FAM149B1: variants seen among roughly 807,000 people sequenced by gnomAD.
FAM149B1 encodes primary cilium assembly protein FAM149B1.
FAM149B1 carries 56 observed loss-of-function variants against 75.3 expected under a neutral mutation model. That is an observed-to-expected ratio of 0.74 (90% confidence interval 0.60 to 0.93). The LOEUF (loss-of-function observed/expected upper bound fraction) is 0.93. FAM149B1 is among the 40% of genes least tolerant of loss of function. The pLI is 0.00. For synonymous variants in FAM149B1, 259 were observed against 256.1 expected, an observed-to-expected ratio of 1.01 and a Z score of -0.11; for missense variants, 639 against 708.4, an observed-to-expected ratio of 0.90 and a Z score of 1.11.
At chr10:73,215,181 C>T (rs1050536561) in intron 7 of FAM149B1, among the ~76,000 whole-genome samples, 2 of 151,990 alleles carry the variant, frequency 1.3e-5, no homozygotes, top group Non-Finnish European at 2.9e-5. Flanking sequence ...CCACCATAAC[C>T]AGCGTATTTT....
chr10:73,242,558 CTTT>C lies in FAM149B1; in HGVS notation c.*1540_*1542del, dbSNP rs1256642055. 5 of 152,108 alleles carry C rather than the reference CTTT, an allele frequency of 3.3e-5. No homozygotes were observed. Among genetic ancestry groups the C allele is most frequent in the African/African-American group, 9.7e-5 (4 of 41,392 alleles). 9.4% of individuals were successfully genotyped at this position (152,108 alleles called of 1,614,324 possible). A position where few individuals can be genotyped will look rare whatever the true frequency, so the allele number is the denominator to read the frequency against. ...CAGTTTGACAAATTTGGATTTCACTCTTTGTTTTGATGTAGTAACTCTTTTATA... is the reference window on the plus strand; with the variant it reads ...CAGTTTGACAAATTTGGATTTCACTCGTTTTGATGTAGTAACTCTTTTATA... On this transcript the variant is annotated 3_prime_UTR_variant, in exon 14 of 14. Coordinates refer to ENST00000242505, the MANE Select transcript of FAM149B1 (RefSeq NM_173348.2).
chr10:73,212,711 C>T (rs969731191), intron 7 of FAM149B1, among the ~76,000 whole-genome samples: 6 of 152,188 alleles, frequency 3.9e-5, no homozygotes, highest in African/African-American at 1.4e-4. Flanking sequence ...TACTAATTTA[C>T]TTTCCCACAA....
Position 73,193,476 on chromosome 10 carries a change from G to T in FAM149B1, c.426-1G>T. ...TGTGTCTGTGTTTCTTCATTTTGAA[G>T]GATTCTAGGTAGGCAGATAATCACT... On this transcript the variant is annotated splice_acceptor_variant, in intron 4 of 13. Transcript: ENST00000242505. LOFTEE classifies it high-confidence loss of function. 6.5e-7 allele frequency: 1 copy of T among 1,543,970 alleles called. No individual in the cohort carries two copies.
intron 5 of FAM149B1, among the ~76,000 whole-genome samples, chr10:73,199,458 C>T (rs1564694269): frequency 6.6e-6 from 1 of 152,070 alleles, no homozygotes; most frequent in East Asian, 1.9e-4. Context: ...ACCTCATGGT[C>T]CACCCTCCTC....
At chr10:73,233,471 C>T (rs1025775859) in intron 10 of FAM149B1, among the ~76,000 whole-genome samples, 1 of 151,978 alleles carries the variant, frequency 6.6e-6, no homozygotes, top group Admixed American at 6.6e-5. Context: ...CTCAAGTAGC[C>T]GGGACCACAG....
rs914152453 is a variant in FAM149B1, at chr10:73,227,683, T to A, written c.899-377T>A. 1.6e-4 allele frequency among the ~76,000 whole-genome samples: 24 copies of A among 152,282 alleles called. No individual in the cohort carries two copies. In the East Asian group the frequency reaches 4.4e-3, roughly 28 times the overall value. On this transcript the variant is annotated intron_variant, in intron 7 of 13. Coordinates refer to ENST00000242505, the MANE Select transcript of FAM149B1 (RefSeq NM_173348.2). ...TTTGGCCATAAGTTAAAATTAAATT[T>A]AAAATTCAGCTCCTCACTCCCTAGC... is the stretch of plus-strand genomic sequence containing the variant.
intron 5 of FAM149B1, among the ~76,000 whole-genome samples, chr10:73,196,140 G>C (rs1051727683): frequency 1.3e-5 from 2 of 152,094 alleles, no homozygotes; most frequent in Non-Finnish European, 2.9e-5. Context: ...AGTAGGATGT[G>C]CCAGGCCCAT....
intron 7 of FAM149B1, among the ~76,000 whole-genome samples, chr10:73,219,603 C>A (rs1355482008): frequency 3.3e-5 from 5 of 152,136 alleles, no homozygotes; most frequent in African/African-American, 1.2e-4. Context: ...GAAATACACC[C>A]ACACATATGT....
At chr10:73,197,961 A>G (rs1051892568) in intron 5 of FAM149B1, among the ~76,000 whole-genome samples, 2 of 152,238 alleles carry the variant, frequency 1.3e-5, no homozygotes, top group Admixed American at 6.5e-5. Context: ...ATAACTAACT[A>G]TAATATCTAA....
intron 3 of FAM149B1, among the ~76,000 whole-genome samples, chr10:73,191,312 C>T (rs2042677483): frequency 6.8e-6 from 1 of 147,090 alleles, no homozygotes; most frequent in African/African-American, 2.5e-5. Flanking sequence ...GCTGGGATTA[C>T]AGGCATGAGT....
intron 7 of FAM149B1, among the ~76,000 whole-genome samples, chr10:73,225,489 TAAAG>T (rs1414959991): frequency 1.3e-5 from 2 of 152,068 alleles, no homozygotes; most frequent in Non-Finnish European, 2.9e-5. Flanking sequence ...AATAAGGAAA[TAAAG>T]AAAAAATATT....
chr10:73,198,036 A>G (rs1224475744), intron 5 of FAM149B1, among the ~76,000 whole-genome samples: 1 of 152,194 alleles, frequency 6.6e-6, no homozygotes, highest in Non-Finnish European at 1.5e-5. Context: ...AAAAGAATGG[A>G]GAGCTCAAAA....
At chr10:73,176,705 G>A (rs997040887) in intron 2 of FAM149B1, among the ~76,000 whole-genome samples, 1 of 151,996 alleles carries the variant, frequency 6.6e-6, no homozygotes, top group Non-Finnish European at 1.5e-5. Flanking sequence ...GGGCAATATG[G>A]CAAAACTCTG....
intron 7 of FAM149B1, among the ~76,000 whole-genome samples, chr10:73,220,352 C>G (rs2043382551): frequency 6.6e-6 from 1 of 152,092 alleles, no homozygotes; most frequent in African/African-American, 2.4e-5. Flanking sequence ...ATTGTGGAAA[C>G]AATTTGGCAG....
chr10:73,207,847 A>C (rs973620451), intron 5 of FAM149B1, among the ~76,000 whole-genome samples: 14 of 152,342 alleles, frequency 9.2e-5, no homozygotes, highest in African/African-American at 3.1e-4. Flanking sequence ...GAAGTAAATA[A>C]CTTGTTTTTG....
chr10:73,213,047 A>G (rs182501503), intron 7 of FAM149B1, among the ~76,000 whole-genome samples: 2 of 152,022 alleles, frequency 1.3e-5, no homozygotes, highest in East Asian at 3.9e-4. Context: ...GGGTTTAACC[A>G]TGTTGCCTGG....
intron 3 of FAM149B1, among the ~76,000 whole-genome samples, chr10:73,181,700 G>A (rs2042401376): frequency 6.6e-6 from 1 of 152,186 alleles, no homozygotes; most frequent in Non-Finnish European, 1.5e-5. Flanking sequence ...ATGTGCTGAG[G>A]AAAAGAATGT....
At position 73,192,712 on chromosome 10, in the gene FAM149B1, C is replaced by T. The variant is rs758384306; in HGVS notation, c.425+14C>T. 1.3e-6 allele frequency: 2 copies of T among 1,513,222 alleles called. No individual in the cohort carries two copies. The highest frequency in any genetic ancestry group is 2.6e-5 in the South Asian group (2 of 76,658). 93.7% of individuals were successfully genotyped at this position (1,513,222 alleles called of 1,614,324 possible). On this transcript the variant is annotated intron_variant, in intron 4 of 13. Coordinates refer to ENST00000242505, the MANE Select transcript of FAM149B1 (RefSeq NM_173348.2). ...TCCTCACCTCAGGTACTGAAGCCCT[C>T]CAGTTGACTTGTATTCATGGCTAAT...
Position 73,243,986 on chromosome 10 carries a change from C to A in FAM149B1, c.*2967C>A. ...CACCAGGAAATGCTTAAAATACATA[C>A]TCTTTCCCAAAAGCAAATCTATAAT... On this transcript the variant is annotated 3_prime_UTR_variant, in exon 14 of 14. Transcript: ENST00000242505. The A allele has an allele frequency of 7.1e-7, 1 of 1,407,936 alleles. No homozygotes were observed. Among genetic ancestry groups the A allele is most frequent in the Non-Finnish European group, 9.9e-7 (1 of 1,009,076 alleles). The allele number at this position is 1,407,936 out of a possible 1,614,324, so 87.2% of individuals were successfully genotyped here.
Sources: allele counts gnomAD v4.1 joint callset (sites outside exome capture counted in the v4.1 genomes callset), GRCh38; gene constraint gnomAD v4.1.1; transcripts MANE v1.5; gene names NCBI Gene and HGNC (gene_info 2026-07-23, HGNC 2026-07-21).